EPB41L2: variants seen among roughly 807,000 people sequenced by gnomAD.
The protein encoded by EPB41L2 is erythrocyte membrane protein band 4.1 like 2, also known as band 4.1-like protein 2.
Under a neutral mutation model 113.0 loss-of-function variants are expected in EPB41L2, and 43 were observed. The observed-to-expected ratio is 0.38, with a 90% CI of 0.30 to 0.49. EPB41L2 has a LOEUF of 0.49. Ranked by LOEUF, EPB41L2 falls within the 20% of genes least tolerant of loss-of-function variation. The pLI is 0.95. For missense variants in EPB41L2, 1,147 were observed against 1,223.4 expected, an observed-to-expected ratio of 0.94 and a Z score of 0.93; for synonymous variants, 442 against 436.7, an observed-to-expected ratio of 1.01 and a Z score of -0.15.
chr6:130,907,006 C>T (rs1797926278), intron 5 of EPB41L2, among the ~76,000 whole-genome samples: 1 of 151,962 alleles, frequency 6.6e-6, no homozygotes, highest in South Asian at 2.1e-4. Flanking sequence ...AACATAAGAA[C>T]ATGATTCATA....
At chr6:131,055,937 G>A (rs1231211835) in intron 1 of EPB41L2, among the ~76,000 whole-genome samples, 1 of 152,046 alleles carries the variant, frequency 6.6e-6, no homozygotes, top group East Asian at 1.9e-4. Context: ...AGCTAGAACT[G>A]AGCATAAAAT....
intron 1 of EPB41L2, among the ~76,000 whole-genome samples, chr6:131,057,136 C>T (rs1252506985): frequency 6.6e-6 from 1 of 152,078 alleles, no homozygotes; most frequent in African/African-American, 2.4e-5. Flanking sequence ...AGAACTGAAA[C>T]ATCAGTTCTC....
intron 1 of EPB41L2, among the ~76,000 whole-genome samples, chr6:131,003,784 T>C (rs1363068605): frequency 1.3e-5 from 2 of 152,236 alleles, no homozygotes; most frequent in East Asian, 3.8e-4. Context: ...ATTTTCTTTT[T>C]CCTTTTTTCA....
At chr6:130,874,258 T>C (rs1408147813) in intron 14 of EPB41L2, among the ~76,000 whole-genome samples, 1 of 150,840 alleles carries the variant, frequency 6.6e-6, no homozygotes, top group Admixed American at 6.6e-5. Context: ...GAAAATGCAA[T>C]GTATTTTTTT....
rs753274531 is a variant in EPB41L2 at position 130,870,086 on chromosome 6, C to T, written c.2084G>A (p.Arg695Gln). The T allele has an allele frequency of 1.2e-5, 19 of 1,613,538 alleles. No homozygotes were observed. Among genetic ancestry groups the T allele is most frequent in the East Asian group, 4.5e-5 (2 of 44,892 alleles). Residue 695 changes from arginine (R) to glutamine (Q), a missense_variant, in exon 15 of 20, where the codon CGG (arginine) becomes CAG (glutamine). Coordinates refer to ENST00000337057, the MANE Select transcript of EPB41L2 (RefSeq NM_001431.4). ...ETLNIVEEKK[R>Q]AEVGKDERVI... ...TCTTTCGTCTTTCCCAACCTCTGCC[C>T]GCTTCTTCTCCTCCACTATATTCAG...
chr6:130,927,489 T>C (rs936998593), intron 3 of EPB41L2, among the ~76,000 whole-genome samples: 4 of 152,070 alleles, frequency 2.6e-5, no homozygotes, highest in African/African-American at 9.7e-5. Context: ...ACAACCCAAC[T>C]GTGAGGTCAG....
At chr6:131,035,018 C>A (rs189592586) in intron 1 of EPB41L2, among the ~76,000 whole-genome samples, 4 of 152,322 alleles carry the variant, frequency 2.6e-5, no homozygotes, top group Non-Finnish European at 5.9e-5. Context: ...ATCCCACATC[C>A]ACAAGAAAAT....
At chr6:130,985,981 G>C (rs371649215) in intron 1 of EPB41L2, among the ~76,000 whole-genome samples, 1 of 151,820 alleles carries the variant, frequency 6.6e-6, no homozygotes, top group Non-Finnish European at 1.5e-5. Context: ...CATTCTATAG[G>C]GCCTGATACA....
intron 10 of EPB41L2, among the ~76,000 whole-genome samples, chr6:130,893,794 C>T (rs767500186): frequency 7.2e-5 from 11 of 152,054 alleles, no homozygotes; most frequent in East Asian, 1.9e-4. Context: ...GGGGTCAGAA[C>T]GTTCCTGACA....
chr6:130,939,638 T>C lies in EPB41L2; in HGVS notation c.706-12929A>G, dbSNP rs1447040389. ...CCCCCAATTAAACACACATGCAAAA[T>C]AAAACGGATTATCTAGACACCAGCA... On this transcript the variant is annotated intron_variant, in intron 3 of 19. Coordinates refer to ENST00000337057, the MANE Select transcript of EPB41L2 (RefSeq NM_001431.4). Among the ~76,000 whole-genome samples the C allele has an allele frequency of 2.6e-5, 4 of 152,032 alleles. No individual in the cohort carries two copies. In the East Asian group the frequency reaches 7.7e-4, roughly 29 times the overall value.
chr6:130,903,224 T>C (rs1796776048), intron 6 of EPB41L2, among the ~76,000 whole-genome samples: 2 of 152,150 alleles, frequency 1.3e-5, no homozygotes. Flanking sequence ...GTTACATGCA[T>C]TGTTCAGAGG....
chr6:130,885,311 A>AC (rs769287099), intron 11 of EPB41L2, 43 bp from the exon 12 acceptor site: 3 of 1,599,492 alleles, frequency 1.9e-6, no homozygotes, highest in Admixed American at 1.7e-5. Flanking sequence ...GGACATATGA[A>AC]TCATAAACTT....
At chr6:130,882,421 G>T (rs1789607407) in intron 12 of EPB41L2, 3 of 152,630 alleles carry the variant, frequency 2.0e-5, no homozygotes, top group Admixed American at 2.0e-4. Context: ...GTAATCAGTG[G>T]TGAAATGTAT....
rs11294800 is a variant in EPB41L2 at position 130,966,042 on chromosome 6, C to CA, written c.-14-9544dup. On this transcript the variant is annotated intron_variant, in intron 1 of 19. Transcript: ENST00000337057. ...CTGATGAGCTTTAAAAAAAAAATTGCAAAAAAAAAATCTAATAATGATCTA... is the reference window on the plus strand; with the variant it reads ...CTGATGAGCTTTAAAAAAAAAATTGCAAAAAAAAAAATCTAATAATGATCTA... 3.8e-3 allele frequency among the ~76,000 whole-genome samples: 575 copies of CA among 151,492 alleles called. 2 individuals are homozygous for CA. Among genetic ancestry groups the CA allele is most frequent in the Admixed American group, 7.9e-3 (121 of 15,234 alleles).
At chr6:131,033,576 T>C (rs987614168) in intron 1 of EPB41L2, among the ~76,000 whole-genome samples, 3 of 152,212 alleles carry the variant, frequency 2.0e-5, no homozygotes, top group East Asian at 1.9e-4. Context: ...GTAAGACATA[T>C]ACATACAATG....
chr6:130,949,374 G>A (rs1452706751), intron 3 of EPB41L2, among the ~76,000 whole-genome samples: 1 of 152,178 alleles, frequency 6.6e-6, no homozygotes, highest in African/African-American at 2.4e-5. Flanking sequence ...GGCCAAGGAG[G>A]GAGAATTGCT....
intron 1 of EPB41L2, among the ~76,000 whole-genome samples, chr6:130,984,347 CTATCAT>C (rs768652175): frequency 1.3e-5 from 2 of 152,188 alleles, no homozygotes; most frequent in Non-Finnish European, 2.9e-5. Context: ...ACATAATCAT[CTATCAT>C]TATCAAGTAT....
At chr6:131,029,328 A>G (rs543185524) in intron 1 of EPB41L2, among the ~76,000 whole-genome samples, 4 of 151,450 alleles carry the variant, frequency 2.6e-5, no homozygotes, top group Admixed American at 6.6e-5. Flanking sequence ...ACTGAAAAGC[A>G]TAACAGTTTA....
At chr6:131,040,387 C>T (rs1050582203) in intron 1 of EPB41L2, among the ~76,000 whole-genome samples, 15 of 152,200 alleles carry the variant, frequency 9.9e-5, no homozygotes, top group African/African-American at 2.2e-4. Context: ...TGCAGTGAGC[C>T]GGGATTGCGC....
Sources: allele counts gnomAD v4.1 joint callset (sites outside exome capture counted in the v4.1 genomes callset), GRCh38; gene constraint gnomAD v4.1.1; transcripts MANE v1.5; gene names NCBI Gene and HGNC (gene_info 2026-07-23, HGNC 2026-07-21).